Variants in ASH1L observed in about 807,000 individuals in gnomAD.
ASH1L encodes ASH1 like histone lysine methyltransferase.
In ASH1L, 23 loss-of-function variants were observed where a neutral mutation model predicts 269.0. The observed-to-expected ratio is 0.09, with a 90% CI of 0.06 to 0.12. The LOEUF (loss-of-function observed/expected upper bound fraction) is 0.12, where lower values mean the gene tolerates loss of function less well. ASH1L is among the 10% of genes least tolerant of loss of function. ASH1L has a pLI of 1.00. For missense variants in ASH1L, 2,912 were observed against 3,567.8 expected, an observed-to-expected ratio of 0.82 and a Z score of 4.68; for synonymous variants, 1,187 against 1,253.5, an observed-to-expected ratio of 0.95 and a Z score of 1.12.
rs1291852768 is a variant in ASH1L at position 155,343,122 on chromosome 1, C to T, written c.8293+192G>A. The T allele has an allele frequency of 1.3e-5, 7 of 554,270 alleles. No individual in the cohort carries two copies. In the African/African-American group the frequency reaches 1.3e-4, roughly 10 times the overall value. 34.3% of individuals were successfully genotyped at this position (554,270 alleles called of 1,614,324 possible). On this transcript the variant is annotated intron_variant, in intron 24 of 27. Coordinates refer to ENST00000392403, the MANE Select transcript of ASH1L (RefSeq NM_018489.3). The surrounding 1 kb of genome is among the most constrained non-coding windows in gnomAD (Gnocchi z 6.1). ...TGCCTCCCAGGCTCAGCAATCCTCC[C>T]AGTAGTTGGGACTACAGGCCTACAC...
intron 6 of ASH1L, among the ~76,000 whole-genome samples, chr1:155,405,645 C>T (rs933799758): frequency 6.6e-6 from 1 of 151,924 alleles, no homozygotes; most frequent in African/African-American, 2.4e-5. Flanking sequence ...GCTTGACCAA[C>T]ATGATGAAAC....
intron 19 of ASH1L, among the ~76,000 whole-genome samples, chr1:155,348,911 TACACACAC>T (rs59676231): frequency 4.0e-4 from 56 of 140,422 alleles, no homozygotes; most frequent in Non-Finnish European, 6.8e-4. Flanking sequence ...TATATATATA[TACACACAC>T]ACACACACAC....
intron 1 of ASH1L, among the ~76,000 whole-genome samples, chr1:155,561,035 T>C (rs1671927761): frequency 1.3e-5 from 2 of 150,820 alleles, no homozygotes; most frequent in East Asian, 2.0e-4. Flanking sequence ...ACTGCTGCAG[T>C]AGTAGTGAAA....
chr1:155,494,133 C>T (rs991564169), intron 2 of ASH1L, among the ~76,000 whole-genome samples: 1 of 152,064 alleles, frequency 6.6e-6, no homozygotes, highest in East Asian at 1.9e-4. Context: ...AACGGGCTGT[C>T]GGAAAGTTCT....
In ASH1L at chr1:155,360,413, T is replaced by A; in HGVS notation, c.6687-4A>T. On this transcript the variant is annotated splice_polypyrimidine_tract_variant and splice_region_variant and intron_variant, in intron 12 of 27. Coordinates refer to ENST00000392403, the MANE Select transcript of ASH1L (RefSeq NM_018489.3). ...CCGGTATACTCCATTAACAGACCTG[T>A]AAAGAGAGAAAACAGAGTTATAAAG... 1 of 1,579,722 alleles carries A rather than the reference T, an allele frequency of 6.3e-7. No homozygotes were observed. Among genetic ancestry groups the A allele is most frequent in the South Asian group, 1.1e-5 (1 of 89,396 alleles).
intron 15 of ASH1L, among the ~76,000 whole-genome samples, 182 bp downstream of exon 15, chr1:155,357,134 A>T (rs975685941): frequency 3.0e-5 from 3 of 99,232 alleles, no homozygotes; most frequent in African/African-American, 1.4e-4. Flanking sequence ...GGTAAGACTT[A>T]AAAAAAAAAA....
intron 1 of ASH1L, among the ~76,000 whole-genome samples, chr1:155,543,286 A>C (rs1670564848): frequency 6.6e-6 from 1 of 150,758 alleles, no homozygotes; most frequent in Non-Finnish European, 1.5e-5. Context: ...CAAGGCAGGC[A>C]GATCATTTGA....
At chr1:155,487,080 G>A (rs952916616) in intron 2 of ASH1L, among the ~76,000 whole-genome samples, 4 of 152,190 alleles carry the variant, frequency 2.6e-5, no homozygotes, top group African/African-American at 7.2e-5. Context: ...CAGGATAATC[G>A]CTTGAACCCA....
intron 6 of ASH1L, 132 bp from the exon 7 acceptor site, chr1:155,395,685 C>T (rs977261478): frequency 1.8e-6 from 1 of 551,108 alleles, no homozygotes; most frequent in Non-Finnish European, 3.0e-6. Flanking sequence ...AAAATCTTTA[C>T]TTCTGAAACT....
In ASH1L at chr1:155,481,190, A is replaced by G. The variant is rs1293859399; in HGVS notation, c.1680T>C (p.Pro560=). 1.2e-6 allele frequency: 2 copies of G among 1,613,654 alleles called. No individual in the cohort carries two copies. The highest frequency in any genetic ancestry group is 1.7e-6 in the Non-Finnish European group (2 of 1,179,716). ...TGGTTAAAGGATTAACAGATACAGT[A>G]GGTGATGGGGAAGGGAGATTGCTTT... is the stretch of plus-strand genomic sequence containing the variant. The part of the protein sequence containing the change: ...VGESNLPSPS[P]TVSVNPLTRS... The change falls in exon 3 of 28, where the codon CCT becomes CCC. Residue 560 remains proline, a synonymous_variant. Transcript: ENST00000392403.
At chr1:155,426,983 A>G (rs945478905) in intron 5 of ASH1L, among the ~76,000 whole-genome samples, 3 of 152,092 alleles carry the variant, frequency 2.0e-5, no homozygotes, top group Non-Finnish European at 4.4e-5. Flanking sequence ...TGCCTCTGTT[A>G]CCCAGCAAGC....
chr1:155,503,077 G>A (rs1487763247), intron 2 of ASH1L, among the ~76,000 whole-genome samples: 3 of 152,134 alleles, frequency 2.0e-5, no homozygotes, highest in East Asian at 3.8e-4. Flanking sequence ...CCCCCAGCCC[G>A]TAAAATCAAA....
intron 1 of ASH1L, among the ~76,000 whole-genome samples, chr1:155,536,906 G>A (rs138851406): frequency 0.02 from 3,110 of 151,908 alleles, 105 homozygotes; most frequent in African/African-American, 0.072. Flanking sequence ...TTAGCCGGGC[G>A]TGGTGGCGAG....
chr1:155,494,264 T>C (rs1411144359), intron 2 of ASH1L, among the ~76,000 whole-genome samples: 2 of 152,152 alleles, frequency 1.3e-5, no homozygotes, highest in Admixed American at 6.6e-5. Flanking sequence ...AGCTTGTCTG[T>C]TTAAAGAACA....
chr1:155,474,774 G>C (rs1253308378), intron 3 of ASH1L, among the ~76,000 whole-genome samples: 11 of 151,974 alleles, frequency 7.2e-5, no homozygotes, highest in African/African-American at 2.7e-4. Flanking sequence ...CTTAGTGCAT[G>C]TTATCTCCAA....
At position 155,551,093 on chromosome 1, in the gene ASH1L, T is replaced by C. The variant is rs528902804; in HGVS notation, c.-100+11060A>G. ...ACCTCAGCCTCCCAAAGTCCTGGGA[T>C]TACAGGGGAGAGCCACCATGCCCAG... On this transcript the variant is annotated intron_variant, in intron 1 of 27. Coordinates refer to ENST00000392403, the MANE Select transcript of ASH1L (RefSeq NM_018489.3). 3.3e-5 allele frequency among the ~76,000 whole-genome samples: 5 copies of C among 152,234 alleles called. No individual in the cohort carries two copies. The East Asian group carries it at 9.7e-4, about 29-fold the overall frequency.
At position 155,336,715 on chromosome 1, in the gene ASH1L, A is replaced by G. The variant is rs1210488828; in HGVS notation, c.*945T>C. 1 of 152,446 alleles carries G rather than the reference A, an allele frequency of 6.6e-6. No homozygotes were observed. Among genetic ancestry groups the G allele is most frequent in the Non-Finnish European group, 1.5e-5 (1 of 68,024 alleles). 9.4% of individuals were successfully genotyped at this position (152,446 alleles called of 1,614,324 possible). Reference sequence around the variant, plus strand: ...AAAACAAGAGTAGTGTTTTCAATTGATAATCTATACTCACAACAAATACTC... The same window carrying G: ...AAAACAAGAGTAGTGTTTTCAATTGGTAATCTATACTCACAACAAATACTC... On this transcript the variant is annotated 3_prime_UTR_variant, in exon 28 of 28. Coordinates refer to ENST00000392403, the MANE Select transcript of ASH1L (RefSeq NM_018489.3).
intron 1 of ASH1L, among the ~76,000 whole-genome samples, chr1:155,532,554 G>A (rs911497313): frequency 6.6e-6 from 1 of 152,104 alleles, no homozygotes; most frequent in African/African-American, 2.4e-5. Context: ...GGGCGTGGTT[G>A]CTCATGCCTA....
chr1:155,343,736 C>T lies in ASH1L; in HGVS notation c.7988G>A (p.Cys2663Tyr). 1.9e-6 allele frequency: 3 copies of T among 1,614,108 alleles called. No individual in the cohort carries two copies. The highest frequency in any genetic ancestry group is 1.7e-6 in the Non-Finnish European group (2 of 1,180,014). The change falls in exon 23 of 28, where the codon TGT (cysteine) becomes TAT (tyrosine). Residue 2663 changes from cysteine to tyrosine, a missense_variant. Physicochemically the swap from Cys to Tyr is radical, Grantham distance 194 (BLOSUM62 -2). Transcript: ENST00000392403. The surrounding 1 kb of genome is among the most constrained non-coding windows in gnomAD (Gnocchi z 6.1). ...CCGACTATCCCTCATCAGATACACA[C>T]AGTCACCTAGGAAGACCCAGAACAC... ...RDDLLLRQGD[C>Y]VYLMRDSRRT...
Sources: gnomAD v4.1 joint callset for allele counts (sites outside exome capture counted in the v4.1 genomes callset) on GRCh38, gnomAD v4.1.1 for gene constraint, Gnocchi (gnomAD v3.1) non-coding constraint, MANE v1.5 for transcripts, NCBI Gene and HGNC (gene_info 2026-07-23, HGNC 2026-07-21) for gene names.